SH2D3C: variants seen among roughly 807,000 people sequenced by gnomAD.
The protein encoded by SH2D3C is SH2 domain containing 3C.
SH2D3C carries 25 observed loss-of-function variants against 75.2 expected under a neutral mutation model. The ratio of observed to expected loss-of-function variants is 0.33; its 90% confidence interval spans 0.24 to 0.46. The LOEUF (loss-of-function observed/expected upper bound fraction) is 0.46. SH2D3C is among the 20% of genes least tolerant of loss of function. The pLI is 1.00. For synonymous variants in SH2D3C, 450 were observed against 473.7 expected (o/e 0.95, Z 0.65); for missense variants, 933 against 1,165.3 (o/e 0.80, Z 2.90).
At position 127,757,630 on chromosome 9, in the gene SH2D3C, GATGATGATGATGATGATT is replaced by G. The variant is rs1288572159; in HGVS notation, c.555+3963_555+3980del. On this transcript the variant is annotated intron_variant, in intron 3 of 11. Transcript: ENST00000314830. ...TGATGATGATGATGATGATGATGAT[GATGATGATGATGATGATT>G]ATTATTATTATTATTATTATTTTGA... Among the ~76,000 whole-genome samples the G allele has an allele frequency of 3.4e-4, 26 of 76,400 alleles. No homozygotes were observed. In the East Asian group the frequency reaches 0.02, roughly 59 times the overall value. The allele number at this position is 76,400 out of a possible 152,430, so 50.1% of individuals were successfully genotyped here.
intron 9 of SH2D3C, among the ~76,000 whole-genome samples, chr9:127,740,647 G>T (rs2131732046): frequency 6.6e-6 from 1 of 152,320 alleles, no homozygotes; most frequent in Admixed American, 6.5e-5. Flanking sequence ...GCAGGACACT[G>T]CCTCTGGGAA....
chr9:127,739,711 T>C lies in SH2D3C; in HGVS notation c.2378A>G (p.Tyr793Cys). ...ARTVAHHGGL[Y>C]HTNAEVKLQG... ...CAGCTTGACTTCAGCATTGGTGTGGTACAGGCCTCCGTGGTGTGCCACTGT... is the reference window on the plus strand; with the variant it reads ...CAGCTTGACTTCAGCATTGGTGTGGCACAGGCCTCCGTGGTGTGCCACTGT... The change falls in exon 11 of 12, where the codon TAC becomes TGC. Residue 793 changes from tyrosine (Y) to cysteine (C), a missense_variant. Tyr to Cys is a radical substitution (Grantham distance 194). Coordinates refer to ENST00000314830, the MANE Select transcript of SH2D3C (RefSeq NM_170600.3). The surrounding 1 kb of genome is among the most constrained non-coding windows in gnomAD (Gnocchi z 4.3). 6.2e-7 allele frequency: 1 copy of C among 1,610,794 alleles called. No individual in the cohort carries two copies. Among genetic ancestry groups the C allele is most frequent in the Non-Finnish European group, 8.5e-7 (1 of 1,179,654 alleles).
chr9:127,742,252 T>G (rs1357969019), intron 8 of SH2D3C, among the ~76,000 whole-genome samples: 2 of 152,226 alleles, frequency 1.3e-5, no homozygotes, highest in African/African-American at 4.8e-5. Context: ...TGTTTGTTTT[T>G]TGAGACGGAG....
At chr9:127,755,388 C>T (rs1420913830) in intron 3 of SH2D3C, 1 of 330,818 alleles carries the variant, frequency 3.0e-6, no homozygotes, top group Non-Finnish European at 5.2e-6. Flanking sequence ...GCCCCCCGCT[C>T]CCAGCCCCTC....
At position 127,766,988 on chromosome 9, in the gene SH2D3C, C is replaced by G. The variant is rs753433916; in HGVS notation, c.516-5338G>C. On this transcript the variant is annotated intron_variant, in intron 2 of 11. Transcript: ENST00000314830. Reference sequence around the variant, plus strand: ...GCAAAAAGAGCTGGGTGGAAAGCCCCGTCTCTGCCAGGACACCAGCCATGG... The same window carrying G: ...GCAAAAAGAGCTGGGTGGAAAGCCCGGTCTCTGCCAGGACACCAGCCATGG... The G allele has an allele frequency of 9.8e-6, 15 of 1,536,194 alleles. No homozygotes were observed. The South Asian group carries it at 1.7e-4, about 17-fold the overall frequency.
chr9:127,750,745 G>A lies in SH2D3C; in HGVS notation c.684+427C>T, dbSNP rs147976844. 5.8e-4 allele frequency among the ~76,000 whole-genome samples: 89 copies of A among 152,288 alleles called. 1 individual carries two copies. Among genetic ancestry groups the A allele is most frequent in the Non-Finnish European group, 7.4e-4 (50 of 68,018 alleles). On this transcript the variant is annotated intron_variant, in intron 4 of 11. Coordinates refer to ENST00000314830, the MANE Select transcript of SH2D3C (RefSeq NM_170600.3). The stretch of plus-strand genomic sequence containing the variant: ...ACAAGTGATCTATCAACTTAATTCT[G>A]TGGCTTATAAAGTCACCTCAGCCAA...
At chr9:127,745,490 G>C (rs769644361) in intron 6 of SH2D3C, among the ~76,000 whole-genome samples, 3 of 107,570 alleles carry the variant, frequency 2.8e-5, no homozygotes, top group African/African-American at 3.8e-5. Flanking sequence ...TTGAGTCACT[G>C]TCTCGCTCTG....
At chr9:127,753,010 G>A (rs1454196843) in intron 3 of SH2D3C, among the ~76,000 whole-genome samples, 1 of 152,136 alleles carries the variant, frequency 6.6e-6, no homozygotes, top group Non-Finnish European at 1.5e-5. Context: ...CTTCTGGGGA[G>A]AGAGCGGCAA....
chr9:127,744,072 CTTTTT>C (rs34636940), intron 7 of SH2D3C, among the ~76,000 whole-genome samples: 1 of 114,566 alleles, frequency 8.7e-6, no homozygotes, highest in Non-Finnish European at 1.7e-5. Flanking sequence ...ATCTTATGTG[CTTTTT>C]TTTTTTTTTT....
intron 2 of SH2D3C, among the ~76,000 whole-genome samples, chr9:127,771,983 A>G (rs1405880083): frequency 6.6e-6 from 1 of 152,216 alleles, no homozygotes; most frequent in Non-Finnish European, 1.5e-5. Context: ...TCCATTTATC[A>G]GATGAGAAAC....
Position 127,749,910 on chromosome 9 carries a change from A to G in SH2D3C, c.685-245T>C, listed in dbSNP as rs1330706925. Among the ~76,000 whole-genome samples, 1 of 152,038 alleles carries G rather than the reference A, an allele frequency of 6.6e-6. No individual in the cohort carries two copies. The highest frequency in any genetic ancestry group is 1.5e-5 in the Non-Finnish European group (1 of 68,006). On this transcript the variant is annotated intron_variant, in intron 4 of 11. Coordinates refer to ENST00000314830, the MANE Select transcript of SH2D3C (RefSeq NM_170600.3). This position sits in a 1 kb window ranked among gnomAD's most constrained non-coding sequence, Gnocchi z 5.9. ...AGGCTCAGGAATGGGAGGACCCAAC[A>G]CCTTGGAATGGGAGGCACAGAGGCC...
intron 2 of SH2D3C, chr9:127,762,489 G>A (rs946380759): frequency 3.5e-5 from 17 of 478,914 alleles, no homozygotes; most frequent in African/African-American, 1.0e-4. Context: ...CATCTTCCCC[G>A]TCTCAGCTGA....
In SH2D3C at chr9:127,749,820, C is replaced by T. The variant is rs1163788024; in HGVS notation, c.685-155G>A. Among the ~76,000 whole-genome samples the T allele has an allele frequency of 6.6e-6, 1 of 152,052 alleles. No individual in the cohort carries two copies. Among genetic ancestry groups the T allele is most frequent in the African/African-American group, 2.4e-5 (1 of 41,388 alleles). On this transcript the variant is annotated intron_variant, in intron 4 of 11. Coordinates refer to ENST00000314830, the MANE Select transcript of SH2D3C (RefSeq NM_170600.3). The surrounding 1 kb of genome is among the most constrained non-coding windows in gnomAD (Gnocchi z 5.9). Reference sequence around the variant, plus strand: ...AACAGAGACATCTGACATCTGAGAGCGGGGATGCAATGACCCAGGTTCACA... The same window carrying T: ...AACAGAGACATCTGACATCTGAGAGTGGGGATGCAATGACCCAGGTTCACA...
rs1845737902 is a variant in SH2D3C, at chr9:127,771,426, C to CGCTCTCCGCCTCGAACACG, written c.515+2545_515+2563dup. 2.5e-5 allele frequency: 31 copies of CGCTCTCCGCCTCGAACACG among 1,258,748 alleles called. No individual in the cohort carries two copies. In the South Asian group the frequency reaches 6.3e-4, roughly 26 times the overall value. 78.0% of individuals were successfully genotyped at this position (1,258,748 alleles called of 1,614,324 possible). A position where few individuals can be genotyped will look rare whatever the true frequency, so the allele number is the denominator to read the frequency against. On this transcript the variant is annotated intron_variant, in intron 2 of 11. Coordinates refer to ENST00000314830, the MANE Select transcript of SH2D3C (RefSeq NM_170600.3). The stretch of plus-strand genomic sequence containing the variant: ...CGCCTACTCCACCGGCAGGGAAGGA[C>CGCTCTCCGCCTCGAACACG]GCTCTCCGCCTCGAACACGGCCCTC...
rs767575699 is a variant in SH2D3C, at chr9:127,738,890, C to T, written c.2439G>A (p.Val813=). 19 of 1,595,216 alleles carry T rather than the reference C, an allele frequency of 1.2e-5. No individual in the cohort carries two copies. The highest frequency in any genetic ancestry group is 1.8e-5 in the Admixed American group (1 of 56,946). ...GFQARPELLE[V]FSTEFQMRLL... Reference sequence around the variant, plus strand: ...GGCGCATCTGGAACTCCGTGCTGAACACCTCCAGGAGCTCCGGCCGGGCCT... The same window carrying T: ...GGCGCATCTGGAACTCCGTGCTGAATACCTCCAGGAGCTCCGGCCGGGCCT... The change falls in exon 12 of 12, where the codon GTG becomes GTA. Residue 813 remains valine (V), a synonymous_variant. Transcript: ENST00000314830. This position sits in a 1 kb window ranked among gnomAD's most constrained non-coding sequence, Gnocchi z 5.0.
chr9:127,775,339 A>G (rs972156394), intron 1 of SH2D3C, among the ~76,000 whole-genome samples: 2 of 152,060 alleles, frequency 1.3e-5, no homozygotes, highest in African/African-American at 4.8e-5. Flanking sequence ...ACAAAAAATA[A>G]AAAAGTAAGG....
intron 9 of SH2D3C, 140 bp downstream of exon 9, chr9:127,741,648 C>G: frequency 9.5e-7 from 1 of 1,048,170 alleles, no homozygotes; most frequent in Non-Finnish European, 1.3e-6. Context: ...ACTTGCAGAA[C>G]TCAGTTCTCC....
chr9:127,774,420 A>G lies in SH2D3C; in HGVS notation c.85T>C (p.Ser29Pro). ...GFGSLSNLPRSFTLRRSSASI... is the reference protein window; with the variant it reads ...GFGSLSNLPRPFTLRRSSASI... ...GCTGAGGATCGTCTCAGAGTGAAGGACCGAGGGAGGTTGGAGAGACTCCCA... is the reference window on the plus strand; with the variant it reads ...GCTGAGGATCGTCTCAGAGTGAAGGGCCGAGGGAGGTTGGAGAGACTCCCA... The change falls in exon 2 of 12, where the codon TCC becomes CCC. Residue 29 changes from serine (S) to proline (P), a missense_variant. Physicochemically the swap from Ser to Pro is moderately conservative, Grantham distance 74 (BLOSUM62 -1). Transcript: ENST00000314830. The surrounding 1 kb of genome is among the most constrained non-coding windows in gnomAD (Gnocchi z 4.3). 1 of 1,612,920 alleles carries G rather than the reference A, an allele frequency of 6.2e-7. No individual in the cohort carries two copies. Among genetic ancestry groups the G allele is most frequent in the Non-Finnish European group, 8.5e-7 (1 of 1,179,044 alleles).
At position 127,740,246 on chromosome 9, in the gene SH2D3C, A is replaced by G. The variant is rs10987725; in HGVS notation, c.2200+12T>C. Reference sequence around the variant, plus strand: ...GCTGCAGCCTGTCCAAGGTCACGCAACAAGGAAGTACCTTTGCCCTCGTTG... The same window carrying G: ...GCTGCAGCCTGTCCAAGGTCACGCAGCAAGGAAGTACCTTTGCCCTCGTTG... On this transcript the variant is annotated intron_variant, in intron 10 of 11. Transcript: ENST00000314830. 3.7e-3 allele frequency: 5,973 copies of G among 1,610,218 alleles called. 102 individuals carry two copies. Among genetic ancestry groups the G allele is most frequent in the South Asian group, 0.031 (2,845 of 91,006 alleles).
Sources: allele counts gnomAD v4.1 joint callset (sites outside exome capture counted in the v4.1 genomes callset), GRCh38; gene constraint gnomAD v4.1.1; non-coding constraint Gnocchi (gnomAD v3.1); transcripts MANE v1.5; gene names NCBI Gene and HGNC (gene_info 2026-07-23, HGNC 2026-07-21).